GNG2: variants seen among roughly 807,000 people sequenced by gnomAD.
GNG2 encodes G protein subunit gamma 2.
In GNG2, 5 loss-of-function variants were observed where a neutral mutation model predicts 5.5. That is an observed-to-expected ratio of 0.91 (90% CI 0.48 to 1.92). The LOEUF is 1.92. Ranked by LOEUF, GNG2 falls within the 30% of genes most tolerant of loss-of-function variation. GNG2 has a pLI of 0.01. For synonymous variants in GNG2, 28 were observed against 32.0 expected, an observed-to-expected ratio of 0.88 and a Z score of 0.42; for missense variants, 55 against 88.4, an observed-to-expected ratio of 0.62 and a Z score of 1.52.
chr14:51,959,962 G>A lies in GNG2; in HGVS notation c.88-6597G>A, dbSNP rs111535526. On this transcript the variant is annotated intron_variant, in intron 3 of 3. Coordinates refer to ENST00000556766, the MANE Select transcript of GNG2 (RefSeq NM_053064.5). ...TTTGATTATGCTGTGCCTTGGTGTC[G>A]TTTGATTTATGTTTCTTCATTTGGG... Among the ~76,000 whole-genome samples, 40 of 152,178 alleles carry A rather than the reference G, an allele frequency of 2.6e-4. 1 individual carries two copies. Among genetic ancestry groups the A allele is most frequent in the East Asian group, 1.2e-3 (6 of 5,184 alleles).
At chr14:51,935,960 C>T (rs1161593165) in intron 2 of GNG2, among the ~76,000 whole-genome samples, 1 of 152,112 alleles carries the variant, frequency 6.6e-6, no homozygotes, top group Non-Finnish European at 1.5e-5. Context: ...CATATTTAAT[C>T]TCTCCTTAAG....
chr14:51,883,508 TAAG>T (rs1425804339), intron 2 of GNG2, among the ~76,000 whole-genome samples: 1 of 152,210 alleles, frequency 6.6e-6, no homozygotes. Context: ...AGTCAGCTTA[TAAG>T]AAGAGCAGTA....
At chr14:51,898,257 A>T (rs1444089783) in intron 2 of GNG2, among the ~76,000 whole-genome samples, 1 of 152,192 alleles carries the variant, frequency 6.6e-6, no homozygotes, top group African/African-American at 2.4e-5. Flanking sequence ...AATGACAGAG[A>T]ATTATTTTTT....
At chr14:51,952,012 T>TG in intron 3 of GNG2, 1 of 648,776 alleles carries the variant, frequency 1.5e-6, no homozygotes, top group Admixed American at 2.7e-5. Flanking sequence ...TAGAATCTCC[T>TG]GGGGTATGAT....
At chr14:51,915,209 A>G (rs1886543068) in intron 2 of GNG2, among the ~76,000 whole-genome samples, 1 of 152,214 alleles carries the variant, frequency 6.6e-6, no homozygotes. Flanking sequence ...TAAGGGCATC[A>G]TCCTTAAAGG....
At chr14:51,899,702 G>A (rs1411377318) in intron 2 of GNG2, among the ~76,000 whole-genome samples, 1 of 152,160 alleles carries the variant, frequency 6.6e-6, no homozygotes, top group Non-Finnish European at 1.5e-5. Context: ...CTGGCAGTCA[G>A]CATTCTGCTT....
At chr14:51,840,389 T>G (rs1881449277) in intron 2 of GNG2, among the ~76,000 whole-genome samples, 1 of 152,232 alleles carries the variant, frequency 6.6e-6, no homozygotes, top group African/African-American at 2.4e-5. Flanking sequence ...GAATCCAAAG[T>G]AGCTCCTTGA....
At chr14:51,868,993 A>G (rs1311656116) in intron 1 of GNG2, among the ~76,000 whole-genome samples, 1 of 152,250 alleles carries the variant, frequency 6.6e-6, no homozygotes, top group Admixed American at 6.5e-5. Flanking sequence ...TCTTTATTTG[A>G]ATAAAGAGGA....
At position 51,966,437 on chromosome 14, in the gene GNG2, A is replaced by G. The variant is rs1594972517; in HGVS notation, c.88-122A>G. The G allele has an allele frequency of 1.8e-5, 15 of 811,160 alleles. No homozygotes were observed. The East Asian group carries it at 3.5e-4, about 19-fold the overall frequency. The allele number at this position is 811,160 out of a possible 1,614,324, so 50.2% of individuals were successfully genotyped here. A position where few individuals can be genotyped will look rare whatever the true frequency, so the allele number is the denominator to read the frequency against. On this transcript the variant is annotated intron_variant, in intron 3 of 3. Transcript: ENST00000556766. ...TGCAGATGAGGAAGCAGAAGCTTTTAGAGGCTGAGTATCTTGCTTCATGGA... is the reference window on the plus strand; with the variant it reads ...TGCAGATGAGGAAGCAGAAGCTTTTGGAGGCTGAGTATCTTGCTTCATGGA...
In GNG2 at chr14:51,892,961, G is replaced by C. The variant is rs550337301; in HGVS notation, c.-30+15304G>C. 3.9e-5 allele frequency among the ~76,000 whole-genome samples: 6 copies of C among 152,312 alleles called. No individual in the cohort carries two copies. In the East Asian group the frequency reaches 1.2e-3, roughly 29 times the overall value. On this transcript the variant is annotated intron_variant, in intron 2 of 3. Coordinates refer to ENST00000556766, the MANE Select transcript of GNG2 (RefSeq NM_053064.5). ...TATCTTTTATGTGACAAATGTCACA[G>C]AATTCACCTAGCTTGTAGTTGTGGA...
At chr14:51,867,825 A>G (rs191196415) in intron 1 of GNG2, among the ~76,000 whole-genome samples, 4 of 152,260 alleles carry the variant, frequency 2.6e-5, no homozygotes, top group Admixed American at 2.0e-4. Flanking sequence ...TAAAAAAACA[A>G]TGCTCCTCTG....
intron 2 of GNG2, among the ~76,000 whole-genome samples, chr14:51,948,428 A>T (rs11624752): frequency 0.35 from 52,512 of 151,730 alleles, 9,541 homozygotes; most frequent in Middle Eastern, 0.42. Flanking sequence ...CATTCCAGCC[A>T]GATGAATGAA....
At chr14:51,842,895 C>T (rs1881521529) in intron 2 of GNG2, among the ~76,000 whole-genome samples, 1 of 152,030 alleles carries the variant, frequency 6.6e-6, no homozygotes, top group African/African-American at 2.4e-5. Context: ...GAACTCCTGA[C>T]CCCAAGTGAT....
At chr14:51,944,350 G>A (rs8019331) in intron 2 of GNG2, among the ~76,000 whole-genome samples, 55,371 of 152,020 alleles carry the variant, frequency 0.36, 10,311 homozygotes, top group Middle Eastern at 0.44. Flanking sequence ...GGAAACGGCT[G>A]TTTTTTTGCT....
intron 1 of GNG2, among the ~76,000 whole-genome samples, chr14:51,826,594 G>A (rs1015914454): frequency 1.1e-4 from 17 of 152,118 alleles, no homozygotes; most frequent in Admixed American, 8.5e-4. Flanking sequence ...TGTGGGTGGC[G>A]GAATGGAGGC....
chr14:51,946,996 A>G (rs977931505), intron 2 of GNG2, among the ~76,000 whole-genome samples: 3 of 152,230 alleles, frequency 2.0e-5, no homozygotes, highest in African/African-American at 4.8e-5. Flanking sequence ...TGCCTGGTTC[A>G]TACAGTTAAA....
At chr14:51,966,234 A>AAAG (rs1383373787) in intron 3 of GNG2, among the ~76,000 whole-genome samples, 1 of 149,914 alleles carries the variant, frequency 6.7e-6, no homozygotes, top group African/African-American at 2.5e-5. Context: ...AAAAAAAAAA[A>AAAG]AAACAAATGA....
At chr14:51,916,917 G>T (rs2043151589) in intron 2 of GNG2, among the ~76,000 whole-genome samples, 1 of 152,160 alleles carries the variant, frequency 6.6e-6, no homozygotes, top group South Asian at 2.1e-4. Context: ...TGGGTGATCA[G>T]GTGTTTCCTA....
In GNG2 at chr14:51,887,540, A is replaced by G. The variant is rs549334782; in HGVS notation, c.-30+9883A>G. On this transcript the variant is annotated intron_variant, in intron 2 of 3. Transcript: ENST00000556766. ...CAGCACAAAATGATGGACAAAACAA[A>G]TGTGGAATGCTATCCTAAAGCATCA... is the stretch of plus-strand genomic sequence containing the variant. Among the ~76,000 whole-genome samples the G allele has an allele frequency of 7.2e-5, 11 of 152,334 alleles. No homozygotes were observed. The South Asian group carries it at 2.3e-3, about 32-fold the overall frequency.
Sources: allele counts gnomAD v4.1 joint callset (sites outside exome capture counted in the v4.1 genomes callset), GRCh38; gene constraint gnomAD v4.1.1; transcripts MANE v1.5; gene names NCBI Gene and HGNC (gene_info 2026-07-23, HGNC 2026-07-21).